Variants in TTC28 observed in about 807,000 individuals in gnomAD.
TTC28 encodes tetratricopeptide repeat domain 28.
Under a neutral mutation model 198.0 loss-of-function variants are expected in TTC28, and 61 were observed. That is an observed-to-expected ratio of 0.31 (90% confidence interval 0.25 to 0.38). TTC28 has a LOEUF of 0.38. Among genes scored for constraint, TTC28 ranks in the 10% least tolerant of loss-of-function variants. The pLI, the probability that TTC28 is intolerant of heterozygous loss-of-function variation, is 1.00. For synonymous variants in TTC28, 1,171 were observed against 1,297.8 expected, an observed-to-expected ratio of 0.90 and a Z score of 2.10; for missense variants, 2,678 against 3,164.0, an observed-to-expected ratio of 0.85 and a Z score of 3.69.
intron 2 of TTC28, among the ~76,000 whole-genome samples, chr22:28,408,533 G>A (rs552672325): frequency 6.6e-6 from 1 of 152,240 alleles, no homozygotes; most frequent in African/African-American, 2.4e-5. Context: ...TGAGATTACA[G>A]GTACCTGCCA....
chr22:28,317,842 C>T (rs1261672722), intron 2 of TTC28, among the ~76,000 whole-genome samples: 1 of 152,052 alleles, frequency 6.6e-6, no homozygotes, highest in Admixed American at 6.6e-5. Context: ...CCCTTAAGAC[C>T]ACAGCTCCTA....
At chr22:28,600,623 A>C (rs1410351224) in intron 2 of TTC28, among the ~76,000 whole-genome samples, 3 of 152,188 alleles carry the variant, frequency 2.0e-5, no homozygotes, top group Non-Finnish European at 4.4e-5. Context: ...CATTATACTG[A>C]AAAATTTATA....
intron 2 of TTC28, among the ~76,000 whole-genome samples, chr22:28,309,424 G>C (rs368944030): frequency 3.3e-5 from 5 of 152,164 alleles, no homozygotes; most frequent in Admixed American, 1.3e-4. Context: ...GTATTACCAA[G>C]TTCTGAGCGA....
intron 2 of TTC28, among the ~76,000 whole-genome samples, chr22:28,490,991 T>G (rs1461066664): frequency 6.6e-6 from 1 of 152,226 alleles, no homozygotes; most frequent in Non-Finnish European, 1.5e-5. Flanking sequence ...AGAAGTTTTG[T>G]GATATTCAAG....
intron 12 of TTC28, among the ~76,000 whole-genome samples, chr22:28,075,905 G>A (rs1392126619): frequency 3.9e-5 from 6 of 152,124 alleles, no homozygotes; most frequent in African/African-American, 1.4e-4. Flanking sequence ...CACGTTTGTT[G>A]CATGCTCCAC....
intron 2 of TTC28, among the ~76,000 whole-genome samples, chr22:28,565,284 C>T (rs1004778771): frequency 6.6e-6 from 1 of 151,988 alleles, no homozygotes; most frequent in Non-Finnish European, 1.5e-5. Flanking sequence ...TGAAATTAAA[C>T]TGCACCAAAA....
intron 2 of TTC28, among the ~76,000 whole-genome samples, chr22:28,564,543 T>C (rs1001574153): frequency 6.6e-6 from 1 of 152,014 alleles, no homozygotes; most frequent in Admixed American, 6.6e-5. Context: ...TAACATATTA[T>C]AGATAGTTGT....
chr22:28,131,937 G>A (rs546203154), intron 6 of TTC28, among the ~76,000 whole-genome samples: 1 of 152,192 alleles, frequency 6.6e-6, no homozygotes, highest in Non-Finnish European at 1.5e-5. Context: ...AAACAGCACT[G>A]GAGAGGACAC....
At chr22:28,530,117 A>AT (rs1261252524) in intron 2 of TTC28, among the ~76,000 whole-genome samples, 2 of 152,196 alleles carry the variant, frequency 1.3e-5, no homozygotes, top group African/African-American at 4.8e-5. Context: ...TCTCCGAGCT[A>AT]AAGGAGGATG....
At chr22:28,096,041 C>G (rs573050802) in intron 11 of TTC28, 149 bp downstream of exon 11, 1 of 1,238,434 alleles carries the variant, frequency 8.1e-7, no homozygotes, top group Middle Eastern at 3.0e-4. Context: ...TGCCCCACCA[C>G]GGCATATCCA....
At chr22:28,487,523 C>A (rs961684390) in intron 2 of TTC28, among the ~76,000 whole-genome samples, 1 of 152,054 alleles carries the variant, frequency 6.6e-6, no homozygotes, top group Non-Finnish European at 1.5e-5. Flanking sequence ...ATTAGCTGTA[C>A]AAAATCATGA....
intron 2 of TTC28, among the ~76,000 whole-genome samples, chr22:28,546,814 A>G (rs990616125): frequency 2.5e-4 from 38 of 152,256 alleles, no homozygotes; most frequent in African/African-American, 8.7e-4. Context: ...AATTACTTAT[A>G]TAAGAGCAAT....
At chr22:28,094,578 G>C (rs1282581225) in intron 11 of TTC28, among the ~76,000 whole-genome samples, 1 of 152,102 alleles carries the variant, frequency 6.6e-6, no homozygotes, top group Non-Finnish European at 1.5e-5. Context: ...TCTCCTTTCA[G>C]GAATAGTGCA....
chr22:28,191,605 T>A (rs1362489447), intron 5 of TTC28, among the ~76,000 whole-genome samples: 1 of 152,232 alleles, frequency 6.6e-6, no homozygotes, highest in Non-Finnish European at 1.5e-5. Context: ...ACTGCGCTTT[T>A]CCAACGGTCT....
chr22:28,522,879 G>A (rs544033428), intron 2 of TTC28, among the ~76,000 whole-genome samples: 14 of 152,196 alleles, frequency 9.2e-5, no homozygotes, highest in South Asian at 6.2e-4. Context: ...GGTAAAGGCA[G>A]GGGAGAGGGA....
At chr22:28,453,770 G>A (rs371124623) in intron 2 of TTC28, among the ~76,000 whole-genome samples, 6 of 152,158 alleles carry the variant, frequency 3.9e-5, no homozygotes, top group East Asian at 3.9e-4. Flanking sequence ...AGTATCTTCC[G>A]CTCTGCCTCT....
intron 2 of TTC28, among the ~76,000 whole-genome samples, chr22:28,424,293 T>C (rs965870936): frequency 2.0e-5 from 3 of 152,204 alleles, no homozygotes; most frequent in South Asian, 2.1e-4. Flanking sequence ...CCTTTGTCTA[T>C]GGTAATGCCC....
rs369136018 is a variant in TTC28 at position 28,005,621 on chromosome 22, G to T, written c.4219-4068C>A. On this transcript the variant is annotated intron_variant, in intron 14 of 22. Coordinates refer to ENST00000397906, the MANE Select transcript of TTC28 (RefSeq NM_001145418.2). The surrounding 1 kb of genome is among the most constrained non-coding windows in gnomAD (Gnocchi z 4.9). ...GAGGACATCCAGAGGGGCCTGCCCA[G>T]CCACGGGCCCAGAGCGCTGTCCCGT... Among the ~76,000 whole-genome samples the T allele has an allele frequency of 6.6e-6, 1 of 152,164 alleles. No individual in the cohort carries two copies. Among genetic ancestry groups the T allele is most frequent in the East Asian group, 1.9e-4 (1 of 5,176 alleles).
At position 28,353,685 on chromosome 22, in the gene TTC28, A is replaced by G. The variant is rs146363990; in HGVS notation, c.382-47042T>C. On this transcript the variant is annotated intron_variant, in intron 2 of 22. Coordinates refer to ENST00000397906, the MANE Select transcript of TTC28 (RefSeq NM_001145418.2). ...AAGGTGGACCCTTACCTTATACTAT[A>G]TATAAAAACTCATTTTTGCGCATCA... Among the ~76,000 whole-genome samples, 1,074 of 152,332 alleles carry G rather than the reference A, an allele frequency of 7.1e-3. 11 individuals are homozygous for G. The highest frequency in any genetic ancestry group is 0.025 in the African/African-American group (1,037 of 41,578).
Sources: gnomAD v4.1 joint callset for allele counts (sites outside exome capture counted in the v4.1 genomes callset) on GRCh38, gnomAD v4.1.1 for gene constraint, Gnocchi (gnomAD v3.1) non-coding constraint, MANE v1.5 for transcripts, NCBI Gene and HGNC (gene_info 2026-07-23, HGNC 2026-07-21) for gene names.